Variants in COL5A3 observed in about 807,000 individuals in gnomAD.
The protein encoded by COL5A3 is collagen type V alpha 3 chain.
A neutral mutation model predicts 250.0 loss-of-function variants in COL5A3; 172 were observed. The ratio of observed to expected loss-of-function variants is 0.69; its 90% CI spans 0.61 to 0.78. The LOEUF (loss-of-function observed/expected upper bound fraction) is 0.78. Ranked by LOEUF, COL5A3 falls within the 30% of genes least tolerant of loss-of-function variation. The pLI is 0.00. For missense variants in COL5A3, 2,340 were observed against 2,334.4 expected (o/e 1.00, Z -0.05); for synonymous variants, 937 against 900.4 (o/e 1.04, Z -0.73).
Position 10,006,236 on chromosome 19 carries a change from A to T in COL5A3, c.89-5T>A. 1 of 1,589,194 alleles carries T rather than the reference A, an allele frequency of 6.3e-7. No individual in the cohort carries two copies. The highest frequency in any genetic ancestry group is 8.6e-7 in the Non-Finnish European group (1 of 1,168,248). Reference sequence around the variant, plus strand: ...CCTTCAGGACATCCACAGGATCTGCAGCAGAGAGAAGCCGGGGGTGTCAGG... The same window carrying T: ...CCTTCAGGACATCCACAGGATCTGCTGCAGAGAGAAGCCGGGGGTGTCAGG... On this transcript the variant is annotated splice_polypyrimidine_tract_variant and splice_region_variant and intron_variant, in intron 1 of 66. Coordinates refer to ENST00000264828, the MANE Select transcript of COL5A3 (RefSeq NM_015719.4).
At chr19:9,998,242 AC>A in intron 8 of COL5A3, 93 bp from the exon 9 acceptor site, 1 of 1,174,648 alleles carries the variant, frequency 8.5e-7, no homozygotes, top group Non-Finnish European at 1.2e-6. Flanking sequence ...GCACACACAC[AC>A]ACACACACAC....
At position 9,986,402 on chromosome 19, in the gene COL5A3, A is replaced by T; in HGVS notation, c.2265T>A (p.Gly755=). 1 of 1,611,838 alleles carries T rather than the reference A, an allele frequency of 6.2e-7. No individual in the cohort carries two copies. Among genetic ancestry groups the T allele is most frequent in the South Asian group, 1.1e-5 (1 of 91,030 alleles). ...KGDQGKPGAP[G]PRGEDGPEGP... ...CCTCAGGACCATCCTCTCCCCGGGGACCTGGAGCTCCGGGTTTCCCCTGGA... is the reference window on the plus strand; with the variant it reads ...CCTCAGGACCATCCTCTCCCCGGGGTCCTGGAGCTCCGGGTTTCCCCTGGA... The change falls in exon 30 of 67, where the codon GGT becomes GGA. Residue 755 remains glycine, a synonymous_variant. Transcript: ENST00000264828.
Position 9,977,667 on chromosome 19 carries a change from G to T in COL5A3, c.3053C>A (p.Ala1018Glu), listed in dbSNP as rs2086942918. Residue 1018 changes from alanine (A) to glutamate (E), a missense_variant, in exon 42 of 67, where the codon GCA becomes GAA. By Grantham distance (107) the Ala-to-Glu change is moderately radical (BLOSUM62 -1). Around this residue, in one of 3 missense-constraint regions of COL5A3, gnomAD observed 1,179 missense variants for 1,162.6 expected, o/e 1.01. Coordinates refer to ENST00000264828, the MANE Select transcript of COL5A3 (RefSeq NM_015719.4). ...TTGGCCAGGAAGTCCAATGCCTCCT[G>T]CTGGGCCCAAAGGACCGCGCTCACC... ...SPGERGPLGP[A>E]GGIGLPGQSG... is the part of the protein sequence containing the mutation. 6.2e-7 allele frequency: 1 copy of T among 1,607,608 alleles called. No individual in the cohort carries two copies. The highest frequency in any genetic ancestry group is 1.3e-5 in the African/African-American group (1 of 74,708).
chr19:10,008,490 C>G (rs796754361), intron 1 of COL5A3, among the ~76,000 whole-genome samples: 4 of 152,294 alleles, frequency 2.6e-5, no homozygotes, highest in African/African-American at 9.6e-5. Context: ...CCACTCTCCC[C>G]TGTGCTGGTC....
chr19:9,979,994 A>G lies in COL5A3; in HGVS notation c.2658T>C (p.Pro886=), dbSNP rs2086984679. The stretch of plus-strand genomic sequence containing the variant: ...CCCCAATGAGGGTGACCTCACTCAC[A>G]GGGGGGCCCTTTGGCCCAGGGAATC... ...PPGFPGPKGP[P]GHQGKDGRPG... The change falls in exon 36 of 67, where the codon CCT becomes CCC. Residue 886 remains proline (P), a splice_region_variant and synonymous_variant. Transcript: ENST00000264828. The G allele has an allele frequency of 1.3e-6, 2 of 1,585,724 alleles. No homozygotes were observed. Among genetic ancestry groups the G allele is most frequent in the East Asian group, 4.5e-5 (2 of 44,212 alleles).
chr19:9,992,140 G>A (rs1032900287), intron 21 of COL5A3, 92 bp from the exon 22 acceptor site: 4 of 1,132,718 alleles, frequency 3.5e-6, no homozygotes, highest in Non-Finnish European at 4.0e-6. Context: ...AAGGTGAGCA[G>A]GGCCGGGCAC....
At position 9,996,221 on chromosome 19, in the gene COL5A3, C is replaced by T. The variant is rs2087269021; in HGVS notation, c.1464G>A (p.Gly488=). 1.6e-5 allele frequency: 26 copies of T among 1,576,114 alleles called. No homozygotes were observed. Among genetic ancestry groups the T allele is most frequent in the Non-Finnish European group, 2.1e-5 (25 of 1,163,254 alleles). Residue 488 remains glycine, a synonymous_variant, in exon 14 of 67, where the codon GGG becomes GGA. Coordinates refer to ENST00000264828, the MANE Select transcript of COL5A3 (RefSeq NM_015719.4). ...KGPPGPVGLT[G]RPGPVGLPGH... ...CCTTACTCACCACAGGGCCTGGGCG[C>T]CCAGTGAGCCCCACTGGACCAGGGG...
chr19:9,996,489 C>T lies in COL5A3; in HGVS notation c.1366G>A (p.Gly456Ser). Residue 456 changes from glycine (G) to serine (S), a missense_variant, in exon 13 of 67, where the codon GGC becomes AGC. Gly to Ser is a moderately conservative substitution (Grantham distance 56). This residue lies in a region of COL5A3 where 1,152 missense variants were observed against 1,146.3 expected (regional missense o/e 1.00). Transcript: ENST00000264828. The stretch of plus-strand genomic sequence containing the variant: ...GCCTGCTGGAATGAGACTGGGGGGC[C>T]TTTAAAGGAGCCGCCTGCAAACTGG... ...PFQFAGGSFK[G>S]PPVSFQQAQA... 6.2e-7 allele frequency: 1 copy of T among 1,614,132 alleles called. No homozygotes were observed. The highest frequency in any genetic ancestry group is 8.5e-7 in the Non-Finnish European group (1 of 1,180,002).
intron 24 of COL5A3, among the ~76,000 whole-genome samples, chr19:9,991,325 AC>A (rs754149399): frequency 1.3e-5 from 2 of 152,104 alleles, no homozygotes; most frequent in Non-Finnish European, 2.9e-5. Context: ...CAAAGATGAG[AC>A]CCACAGGGCC....
Position 9,964,854 on chromosome 19 carries a change from T to TAAAA in COL5A3, c.4782+1456_4782+1459dup, listed in dbSNP as rs57037583. On this transcript the variant is annotated intron_variant, in intron 64 of 66. Coordinates refer to ENST00000264828, the MANE Select transcript of COL5A3 (RefSeq NM_015719.4). ...CAACGTAGTGAAACCCCATCTCTAC[T>TAAAA]AAAAAAAAAAAAAAAAAAAAAAAAA... Among the ~76,000 whole-genome samples, 18 of 49,010 alleles carry TAAAA rather than the reference T, an allele frequency of 3.7e-4. 2 individuals carry two copies. Among genetic ancestry groups the TAAAA allele is most frequent in the Non-Finnish European group, 4.8e-4 (14 of 29,260 alleles). 32.2% of individuals were successfully genotyped at this position (49,010 alleles called of 152,430 possible). A position where few individuals can be genotyped will look rare whatever the true frequency, so the allele number is the denominator to read the frequency against.
Position 9,995,620 on chromosome 19 carries a change from A to C in COL5A3, c.1534-3T>G. ...GGTCCCTGCAGGCCTCGGGGACCCTAGAAGAAAGCAAAAAGGAGGAAGGAA... is the reference window on the plus strand; with the variant it reads ...GGTCCCTGCAGGCCTCGGGGACCCTCGAAGAAAGCAAAAAGGAGGAAGGAA... On this transcript the variant is annotated splice_polypyrimidine_tract_variant and splice_region_variant and intron_variant, in intron 15 of 66. Coordinates refer to ENST00000264828, the MANE Select transcript of COL5A3 (RefSeq NM_015719.4). 6.3e-7 allele frequency: 1 copy of C among 1,580,422 alleles called. No homozygotes were observed. The highest frequency in any genetic ancestry group is 8.6e-7 in the Non-Finnish European group (1 of 1,164,114).
chr19:10,003,194 G>T (rs538954623), intron 6 of COL5A3, among the ~76,000 whole-genome samples: 1 of 152,072 alleles, frequency 6.6e-6, no homozygotes, highest in Non-Finnish European at 1.5e-5. Flanking sequence ...TAATGAACAC[G>T]TCATTCAACC....
At chr19:9,981,576 A>G (rs11881171) in intron 32 of COL5A3, among the ~76,000 whole-genome samples, 14,942 of 152,268 alleles carry the variant, frequency 0.098, 1,149 homozygotes, top group African/African-American at 0.22. Context: ...CAGTATACAT[A>G]CACTCATGTA....
chr19:9,966,157 C>A (rs1013609520), intron 64 of COL5A3, among the ~76,000 whole-genome samples, 157 bp downstream of exon 64: 1 of 152,158 alleles, frequency 6.6e-6, no homozygotes, highest in African/African-American at 2.4e-5. Flanking sequence ...TGATCCTCTG[C>A]TGTAGTCCCA....
chr19:10,003,976 G>C (rs909076165), intron 5 of COL5A3, 65 bp downstream of exon 5: 2 of 1,307,258 alleles, frequency 1.5e-6, no homozygotes, highest in East Asian at 4.6e-5. Flanking sequence ...TCTTTCTAGG[G>C]ATCTGGAGCC....
chr19:9,968,598 T>TCTCCCAGC lies in COL5A3; in HGVS notation c.4206+69_4206+76dup, dbSNP rs1273980373. The TCTCCCAGC allele has an allele frequency of 1.1e-5, 18 of 1,579,900 alleles. No homozygotes were observed. The highest frequency in any genetic ancestry group is 2.7e-5 in the African/African-American group (2 of 73,810). On this transcript the variant is annotated intron_variant, in intron 58 of 66. Coordinates refer to ENST00000264828, the MANE Select transcript of COL5A3 (RefSeq NM_015719.4). This position sits in a 1 kb window ranked among gnomAD's most constrained non-coding sequence, Gnocchi z 4.1. ...AGTTTGGGAGCAGAGGATGCACCAA[T>TCTCCCAGC]CTCCCAGCCCCCCAGCCAGGGAGGG...
intron 45 of COL5A3, among the ~76,000 whole-genome samples, chr19:9,975,454 AGCT>A (rs2086906506): frequency 6.6e-6 from 1 of 151,998 alleles, no homozygotes; most frequent in Admixed American, 6.6e-5. Context: ...GGGGGTTCAG[AGCT>A]GGGTTTAGGT....
rs2087223272 is a variant in COL5A3 at position 9,993,400 on chromosome 19, G to A, written c.1729C>T (p.Pro577Ser). Residue 577 changes from proline to serine, a missense_variant, in exon 19 of 67, where the codon CCA (proline) becomes TCA (serine). Physicochemically the swap from Pro to Ser is moderately conservative, Grantham distance 74 (BLOSUM62 -1). This residue lies in a region of COL5A3 where 1,152 missense variants were observed against 1,146.3 expected (regional missense o/e 1.00). Coordinates refer to ENST00000264828, the MANE Select transcript of COL5A3 (RefSeq NM_015719.4). ...CTTACCCTCTCACCATCCTCTCCTG[G>A]GGGACCGGGTTGCCCCACATGGCCA... ...DFGHVGQPGP[P>S]GEDGERGAEG... The A allele has an allele frequency of 1.2e-6, 2 of 1,614,114 alleles. No homozygotes were observed. Among genetic ancestry groups the A allele is most frequent in the Non-Finnish European group, 1.7e-6 (2 of 1,180,010 alleles).
chr19:10,003,603 A>G lies in COL5A3; in HGVS notation c.811T>C (p.Trp271Arg). 1 of 1,614,176 alleles carries G rather than the reference A, an allele frequency of 6.2e-7. No homozygotes were observed. Among genetic ancestry groups the G allele is most frequent in the Non-Finnish European group, 8.5e-7 (1 of 1,180,034 alleles). ...GAGTCAGGAGGTGGACTTGAGGTCCAAATTTCCTTGTTCTTTTTCCTGCCC... is the reference window on the plus strand; with the variant it reads ...GAGTCAGGAGGTGGACTTGAGGTCCGAATTTCCTTGTTCTTTTTCCTGCCC... ...GKGRKKNKEI[W>R]TSSPPPDSAE... is the part of the protein sequence containing the mutation. Residue 271 changes from tryptophan to arginine, a missense_variant, in exon 6 of 67, where the codon TGG becomes CGG. Around this residue, in one of 3 missense-constraint regions of COL5A3, gnomAD observed 1,152 missense variants for 1,146.3 expected, o/e 1.00. Coordinates refer to ENST00000264828, the MANE Select transcript of COL5A3 (RefSeq NM_015719.4).
Sources: allele counts gnomAD v4.1 joint callset (sites outside exome capture counted in the v4.1 genomes callset), GRCh38; gene constraint gnomAD v4.1.1; regional missense constraint gnomAD v4.1.1; non-coding constraint Gnocchi (gnomAD v3.1); transcripts MANE v1.5; gene names NCBI Gene and HGNC (gene_info 2026-07-23, HGNC 2026-07-21).